The following TTLL13 variants were observed in gnomAD, a reference collection of about 807,000 sequenced individuals.
TTLL13 encodes tubulin polyglutamylase TTLL13.
At chr15:90,256,593 C>CTTTCTT in the TTLL13 span, among the ~76,000 whole-genome samples, 20 of 39,056 alleles carry the variant, frequency 5.1e-4, no homozygotes, top group Non-Finnish European at 6.6e-4. Context: ...TTCTTTCTTT[C>CTTTCTT]TTTCTTTCTT....
chr15:90,250,626 A>C, the TTLL13 span: 1 of 1,611,056 alleles, frequency 6.2e-7, no homozygotes, highest in African/African-American at 1.3e-5. Flanking sequence ...TCAGAATCTG[A>C]GAGAATGGAG....
chr15:90,253,442 A>G, the TTLL13 span: 1 of 1,044,130 alleles, frequency 9.6e-7, no homozygotes, highest in Non-Finnish European at 1.4e-6. Context: ...TTGCCCAGGC[A>G]CCCAAGACTG....
the TTLL13 span, chr15:90,251,626 TG>T: frequency 6.2e-7 from 1 of 1,609,576 alleles, no homozygotes; most frequent in Non-Finnish European, 8.5e-7. Flanking sequence ...CACACTGTGG[TG>T]CATAACATGG....
At chr15:90,262,584 C>G in the TTLL13 span, 1 of 1,534,798 alleles carries the variant, frequency 6.5e-7, no homozygotes, top group Non-Finnish European at 8.7e-7. Context: ...CAGGGTGAAT[C>G]AGCTGGGGAG....
At chr15:90,262,333 T>C in the TTLL13 span, 1 of 1,156,308 alleles carries the variant, frequency 8.6e-7, no homozygotes, top group South Asian at 1.7e-5. Flanking sequence ...TAGTGACTCT[T>C]TTCAGTTTAG....
At chr15:90,265,003 C>T in the TTLL13 span, 9 of 1,507,986 alleles carry the variant, frequency 6.0e-6, no homozygotes, top group African/African-American at 1.1e-4. Flanking sequence ...TCCTGGATAA[C>T]CTCCCCAGGT....
chr15:90,254,544 G>A, the TTLL13 span, among the ~76,000 whole-genome samples: 1 of 143,446 alleles, frequency 7.0e-6, no homozygotes, highest in African/African-American at 2.5e-5. Context: ...TGTAAAATGA[G>A]GAATGCAGGC....
At chr15:90,252,957 C>T in the TTLL13 span, among the ~76,000 whole-genome samples, 3 of 152,086 alleles carry the variant, frequency 2.0e-5, no homozygotes, top group Non-Finnish European at 4.4e-5. Context: ...GAGCCAAGAC[C>T]GTGCCACTGC....
At chr15:90,258,204 G>A in the TTLL13 span, 1 of 1,614,252 alleles carries the variant, frequency 6.2e-7, no homozygotes, top group South Asian at 1.1e-5. Flanking sequence ...AGGTACATGT[G>A]CCTGTTTTGA....
At chr15:90,255,881 G>T in the TTLL13 span, 44 of 1,613,994 alleles carry the variant, frequency 2.7e-5, no homozygotes, top group Admixed American at 6.2e-4. Context: ...GTGCCTCCCC[G>T]CAGAGTGAGT....
At chr15:90,254,851 AG>A in the TTLL13 span, among the ~76,000 whole-genome samples, 166 of 151,508 alleles carry the variant, frequency 1.1e-3, no homozygotes, top group Middle Eastern at 3.4e-3. Flanking sequence ...GTCTCAGGGA[AG>A]GGGGAAAAAA....
chr15:90,260,228 T>C, the TTLL13 span, among the ~76,000 whole-genome samples: 1 of 152,338 alleles, frequency 6.6e-6, no homozygotes, highest in East Asian at 1.9e-4. Context: ...CCAGGTGTGG[T>C]GGCTCACACC....
the TTLL13 span, chr15:90,265,394 C>T: frequency 9.6e-6 from 12 of 1,251,554 alleles, no homozygotes; most frequent in Non-Finnish European, 1.2e-5. Flanking sequence ...GTGGCGGAGA[C>T]AGGCAGGCCT....
the TTLL13 span, chr15:90,255,827 T>C: frequency 6.2e-7 from 1 of 1,614,166 alleles, no homozygotes; most frequent in Admixed American, 1.7e-5. Flanking sequence ...CAACCGCATG[T>C]ACAAACTCTA....
At chr15:90,262,033 GGCAAT>G in the TTLL13 span, 2 of 1,535,384 alleles carry the variant, frequency 1.3e-6, no homozygotes, top group South Asian at 2.4e-5. Context: ...CATCCCATGT[GGCAAT>G]GCTGGACCAG....
At chr15:90,257,769 A>C in the TTLL13 span, 2 of 1,579,914 alleles carry the variant, frequency 1.3e-6, no homozygotes, top group South Asian at 1.1e-5. Flanking sequence ...CCTTAGCCCC[A>C]CAGTCCCAGT....
chr15:90,256,794 T>C, the TTLL13 span, among the ~76,000 whole-genome samples: 2 of 152,020 alleles, frequency 1.3e-5, no homozygotes, highest in South Asian at 4.1e-4. Flanking sequence ...GTTCAAGCAA[T>C]TCTCTGCCTC....
chr15:90,254,491 T>TA, the TTLL13 span, among the ~76,000 whole-genome samples: 535 of 84,194 alleles, frequency 6.4e-3, 6 homozygotes, highest in African/African-American at 0.016. Flanking sequence ...AGACTCCATC[T>TA]AAAAAAAAAA....
At chr15:90,255,494 T>C in the TTLL13 span, among the ~76,000 whole-genome samples, 13 of 152,338 alleles carry the variant, frequency 8.5e-5, no homozygotes, top group South Asian at 1.4e-3. Context: ...GCCACAGTCT[T>C]GGCTAGTTAC....
Sources: allele counts gnomAD v4.1 joint callset (sites outside exome capture counted in the v4.1 genomes callset), GRCh38; gene constraint gnomAD v4.1.1; transcripts MANE v1.5; gene names NCBI Gene and HGNC (gene_info 2026-07-23, HGNC 2026-07-21).